Variants in WDR72 observed in about 807,000 individuals in gnomAD.
WDR72 encodes the protein WD repeat-containing protein 72.
WDR72 carries 120 observed loss-of-function variants against 124.2 expected under a neutral mutation model. That is an observed-to-expected ratio of 0.97 (90% CI 0.83 to 1.12). The LOEUF is 1.12. Ranked by LOEUF, WDR72 falls within the 50% of genes most tolerant of loss-of-function variation. The pLI is 0.00. For synonymous variants in WDR72, 452 were observed against 441.7 expected, an observed-to-expected ratio of 1.02 and a Z score of -0.29; for missense variants, 1,387 against 1,278.8, an observed-to-expected ratio of 1.08 and a Z score of -1.29.
At chr15:53,692,441 ATAAT>A (rs1269103216) in intron 13 of WDR72, among the ~76,000 whole-genome samples, 7 of 152,208 alleles carry the variant, frequency 4.6e-5, no homozygotes, top group African/African-American at 7.2e-5. Flanking sequence ...TTTATAATAA[ATAAT>A]AGTTAATGTT....
At chr15:53,547,814 G>A (rs906525401) in intron 18 of WDR72, among the ~76,000 whole-genome samples, 30 of 152,168 alleles carry the variant, frequency 2.0e-4, no homozygotes, top group African/African-American at 6.8e-4. Context: ...TGATCTGGTG[G>A]TAGGCGCTTC....
At chr15:53,569,546 T>G (rs1214071630) in intron 18 of WDR72, among the ~76,000 whole-genome samples, 1 of 152,042 alleles carries the variant, frequency 6.6e-6, no homozygotes, top group Non-Finnish European at 1.5e-5. Flanking sequence ...CCCATTGAAG[T>G]CAGGAGAATT....
chr15:53,574,671 A>AT (rs1345933572), intron 18 of WDR72, among the ~76,000 whole-genome samples: 2 of 152,028 alleles, frequency 1.3e-5, no homozygotes, highest in Admixed American at 1.3e-4. Flanking sequence ...TCTTGAAATA[A>AT]TTTTTTTCAT....
intron 3 of WDR72, among the ~76,000 whole-genome samples, chr15:53,722,567 G>A (rs963156801): frequency 6.6e-6 from 1 of 152,156 alleles, no homozygotes; most frequent in East Asian, 1.9e-4. Context: ...ATGTTGAGAT[G>A]CTTAACTTGG....
intron 1 of WDR72, among the ~76,000 whole-genome samples, chr15:53,734,151 T>A (rs979623679): frequency 2.6e-5 from 4 of 151,570 alleles, no homozygotes; most frequent in African/African-American, 9.7e-5. Flanking sequence ...ATTATATGTC[T>A]ACACACACAC....
rs1182173596 is a variant in WDR72 at position 53,732,324 on chromosome 15, TTAAC to T, written c.153+669_153+672del. Among the ~76,000 whole-genome samples, 4 of 152,336 alleles carry T rather than the reference TTAAC, an allele frequency of 2.6e-5. No individual in the cohort carries two copies. The South Asian group carries it at 8.3e-4, about 32-fold the overall frequency. On this transcript the variant is annotated intron_variant, in intron 2 of 19. Coordinates refer to ENST00000360509, the MANE Select transcript of WDR72 (RefSeq NM_182758.4). Reference sequence around the variant, plus strand: ...GGCTTCTTAATGAGGGCAGTATACTTTAACTACATCATTAGTTTAATTGTTCAAA... The same window carrying T: ...GGCTTCTTAATGAGGGCAGTATACTTTACATCATTAGTTTAATTGTTCAAA...
intron 18 of WDR72, among the ~76,000 whole-genome samples, chr15:53,563,680 T>G (rs1894201166): frequency 6.6e-6 from 1 of 151,790 alleles, no homozygotes; most frequent in Non-Finnish European, 1.5e-5. Context: ...TTTTAAGATT[T>G]TTTTTTAATC....
chr15:53,676,134 C>T (rs1330803984), intron 13 of WDR72, among the ~76,000 whole-genome samples: 1 of 152,150 alleles, frequency 6.6e-6, no homozygotes, highest in Non-Finnish European at 1.5e-5. Context: ...CATCTCTTCA[C>T]ACTTCCTTTC....
chr15:53,589,972 T>C lies in WDR72; in HGVS notation c.3148+7107A>G, dbSNP rs79421098. ...TATGGGCAAAAGGGAAATGATGAAA[T>C]TTCTCTCTCAATTTTATAAGGAGCT... On this transcript the variant is annotated intron_variant, in intron 18 of 19. Coordinates refer to ENST00000360509, the MANE Select transcript of WDR72 (RefSeq NM_182758.4). Among the ~76,000 whole-genome samples, 1,461 of 152,074 alleles carry C rather than the reference T, an allele frequency of 9.6e-3. 34 individuals are homozygous for C. The highest frequency in any genetic ancestry group is 0.034 in the African/African-American group (1,409 of 41,508).
At chr15:53,735,466 G>A (rs2018326823) in intron 1 of WDR72, among the ~76,000 whole-genome samples, 1 of 152,108 alleles carries the variant, frequency 6.6e-6, no homozygotes, top group Admixed American at 6.5e-5. Context: ...TTTGAAGGTG[G>A]TAGATAAGTT....
At chr15:53,588,655 G>A (rs887328798) in intron 18 of WDR72, among the ~76,000 whole-genome samples, 1 of 151,996 alleles carries the variant, frequency 6.6e-6, no homozygotes, top group Non-Finnish European at 1.5e-5. Context: ...TCTAGCAATT[G>A]CCACATACTA....
At chr15:53,626,052 T>C (rs1169072546) in intron 14 of WDR72, among the ~76,000 whole-genome samples, 3 of 152,238 alleles carry the variant, frequency 2.0e-5, no homozygotes, top group Middle Eastern at 6.8e-3. Context: ...ACTGAGTTTG[T>C]TGTGAAAAAA....
intron 14 of WDR72, among the ~76,000 whole-genome samples, chr15:53,665,266 T>C (rs1456843876): frequency 2.0e-5 from 3 of 152,066 alleles, no homozygotes; most frequent in South Asian, 2.1e-4. Flanking sequence ...AAAATAAAAA[T>C]ATATCCAAAC....
intron 18 of WDR72, among the ~76,000 whole-genome samples, chr15:53,543,770 G>C (rs1396940109): frequency 6.6e-6 from 1 of 152,058 alleles, no homozygotes; most frequent in Admixed American, 6.6e-5. Context: ...GAAAAAAAGA[G>C]AGAAGAATCT....
chr15:53,555,312 G>A (rs1448725955), intron 18 of WDR72, among the ~76,000 whole-genome samples: 1 of 151,888 alleles, frequency 6.6e-6, no homozygotes, highest in African/African-American at 2.4e-5. Flanking sequence ...AGGCAGGGCG[G>A]ACCCACGAAA....
chr15:53,708,244 TG>T (rs901225408), intron 9 of WDR72, among the ~76,000 whole-genome samples: 1 of 152,196 alleles, frequency 6.6e-6, no homozygotes, highest in Admixed American at 6.5e-5. Context: ...CTGAAATCCC[TG>T]GGGCTAACTG....
chr15:53,613,745 C>T lies in WDR72; in HGVS notation c.2793G>A (p.Met931Ile), dbSNP rs756063159. 46 of 1,603,600 alleles carry T rather than the reference C, an allele frequency of 2.9e-5. No homozygotes were observed. Among genetic ancestry groups the T allele is most frequent in the African/African-American group, 4.0e-5 (3 of 74,654 alleles). ...CTCTCATCTTATTATGTATACTTTC[C>T]ATTCTGAAAGAACTGTTAGAAAAAA... ...LACRVGSSFR[M>I]ESIHNKMRGA... The change falls in exon 16 of 20, where the codon ATG becomes ATA. Residue 931 changes from methionine to isoleucine, a missense_variant. Physicochemically the swap from Met to Ile is conservative, Grantham distance 10. Transcript: ENST00000360509.
At chr15:53,735,081 C>A (rs2018313691) in intron 1 of WDR72, among the ~76,000 whole-genome samples, 1 of 151,874 alleles carries the variant, frequency 6.6e-6, no homozygotes, top group East Asian at 1.9e-4. Flanking sequence ...AGCACTTGAA[C>A]CCAGCAGTTC....
intron 1 of WDR72, among the ~76,000 whole-genome samples, chr15:53,744,382 T>C (rs1168755582): frequency 2.0e-5 from 3 of 152,180 alleles, no homozygotes; most frequent in Non-Finnish European, 4.4e-5. Flanking sequence ...CAAAACTATA[T>C]CCACGTCTAA....
Sources: gnomAD v4.1 joint callset for allele counts (sites outside exome capture counted in the v4.1 genomes callset) on GRCh38, gnomAD v4.1.1 for gene constraint, MANE v1.5 for transcripts, NCBI Gene and HGNC (gene_info 2026-07-23, HGNC 2026-07-21) for gene names.